The following TRIP10 variants were observed in gnomAD, a reference collection of about 807,000 sequenced individuals.
TRIP10 encodes the protein thyroid hormone receptor interactor 10.
A neutral mutation model predicts 80.9 loss-of-function variants in TRIP10; 54 were observed. The ratio of observed to expected loss-of-function variants is 0.67; its 90% confidence interval spans 0.54 to 0.84. TRIP10 has a LOEUF of 0.84. Ranked by LOEUF, TRIP10 falls within the 40% of genes least tolerant of loss-of-function variation. The pLI is 0.00. For synonymous variants in TRIP10, 321 were observed against 307.2 expected, an observed-to-expected ratio of 1.04 and a Z score of -0.47; for missense variants, 773 against 815.3, an observed-to-expected ratio of 0.95 and a Z score of 0.63.
chr19:6,743,884 G>C, intron 7 of TRIP10, 48 bp downstream of exon 7: 1 of 1,606,536 alleles, frequency 6.2e-7, no homozygotes, highest in Non-Finnish European at 8.5e-7. Flanking sequence ...GCCTCCAAAT[G>C]TTAGCCAACT....
At chr19:6,739,869 G>A in intron 1 of TRIP10, 84 bp downstream of exon 1, 1 of 1,333,342 alleles carries the variant, frequency 7.5e-7, no homozygotes, top group Non-Finnish European at 9.7e-7. Context: ...CTTAGAGGGG[G>A]CTCCGCGCCT....
chr19:6,740,435 C>T (rs1404966276), intron 1 of TRIP10, among the ~76,000 whole-genome samples: 1 of 152,212 alleles, frequency 6.6e-6, no homozygotes, highest in Non-Finnish European at 1.5e-5. Flanking sequence ...TTGCTGGGGG[C>T]GGTGGAATCC....
intron 3 of TRIP10, among the ~76,000 whole-genome samples, chr19:6,742,575 C>T (rs758609034): frequency 5.9e-5 from 9 of 151,674 alleles, no homozygotes; most frequent in African/African-American, 1.2e-4. Flanking sequence ...GAGGGTGAGG[C>T]GGGAAGATGC....
intron 1 of TRIP10, among the ~76,000 whole-genome samples, chr19:6,740,356 G>C (rs977981754): frequency 6.6e-6 from 1 of 152,164 alleles, no homozygotes; most frequent in East Asian, 1.9e-4. Context: ...CCCCCTGGTC[G>C]CCTATAACCT....
Position 6,746,035 on chromosome 19 carries a change from C to A in TRIP10, c.991C>A (p.Pro331Thr), listed in dbSNP as rs1048538544. The part of the protein sequence containing the change: ...WPFGKKNKPR[P>T]PPLSPLGGPV... ...CCCCGGCCCCCGCCGGTAGCCTCGC[C>A]CCCCACCCCTCTCCCCCCTGGGGGG... The change falls in exon 10 of 15, where the codon CCC becomes ACC. Residue 331 changes from proline to threonine, a missense_variant. Coordinates refer to ENST00000313244, the MANE Select transcript of TRIP10 (RefSeq NM_001288962.2). This position sits in a 1 kb window ranked among gnomAD's most constrained non-coding sequence, Gnocchi z 6.2. 2.6e-6 allele frequency: 3 copies of A among 1,136,534 alleles called. No homozygotes were observed. In the African/African-American group the frequency reaches 4.9e-5, roughly 19 times the overall value. 70.4% of individuals were successfully genotyped at this position (1,136,534 alleles called of 1,614,324 possible). A position where few individuals can be genotyped will look rare whatever the true frequency, so the allele number is the denominator to read the frequency against.
rs759063843 is a variant in TRIP10, at chr19:6,739,792, C to A, written c.24+7C>A. The A allele has an allele frequency of 6.8e-7, 1 of 1,463,726 alleles. No individual in the cohort carries two copies. The highest frequency in any genetic ancestry group is 1.4e-5 in the South Asian group (1 of 69,260). 90.7% of individuals were successfully genotyped at this position (1,463,726 alleles called of 1,614,324 possible). A position where few individuals can be genotyped will look rare whatever the true frequency, so the allele number is the denominator to read the frequency against. ...TTGGGGCACTGAGCTGTGGGTAAGT[C>A]CAATCGGCCCGCCTCTAAGTTCCCC... On this transcript the variant is annotated splice_region_variant and intron_variant, in intron 1 of 14. Transcript: ENST00000313244.
Position 6,745,923 on chromosome 19 carries a change from C to T in TRIP10, c.985-106C>T, listed in dbSNP as rs73500342. The T allele has an allele frequency of 2.3e-4, 279 of 1,239,530 alleles. 1 individual carries two copies. The African/African-American group carries it at 3.6e-3, about 16-fold the overall frequency. 76.8% of individuals were successfully genotyped at this position (1,239,530 alleles called of 1,614,324 possible). ...CCTTTTTCCTTTTTTTGCGTCCATCCGTCCATCCGTGCGTCCATCCCTCCG... is the reference window on the plus strand; with the variant it reads ...CCTTTTTCCTTTTTTTGCGTCCATCTGTCCATCCGTGCGTCCATCCCTCCG... On this transcript the variant is annotated intron_variant, in intron 9 of 14. Transcript: ENST00000313244. The surrounding 1 kb of genome is among the most constrained non-coding windows in gnomAD (Gnocchi z 7.2).
chr19:6,744,497 T>C lies in TRIP10; in HGVS notation c.643-57T>C. On this transcript the variant is annotated intron_variant, in intron 7 of 14. Coordinates refer to ENST00000313244, the MANE Select transcript of TRIP10 (RefSeq NM_001288962.2). The surrounding 1 kb of genome is among the most constrained non-coding windows in gnomAD (Gnocchi z 4.9). ...CGATCATATTTGCAGAGTGAATCACTGTGCTTCTAGTCCCTCTGTTAGCAC... is the reference window on the plus strand; with the variant it reads ...CGATCATATTTGCAGAGTGAATCACCGTGCTTCTAGTCCCTCTGTTAGCAC... The C allele has an allele frequency of 1.2e-6, 2 of 1,607,134 alleles. No homozygotes were observed. The highest frequency in any genetic ancestry group is 1.7e-6 in the Non-Finnish European group (2 of 1,177,456).
chr19:6,748,205 T>G (rs1969191475), intron 11 of TRIP10: 1 of 152,124 alleles, frequency 6.6e-6, no homozygotes, highest in Admixed American at 6.6e-5. Flanking sequence ...GGCAACAAAA[T>G]CCTCTTCCCA....
intron 11 of TRIP10, among the ~76,000 whole-genome samples, chr19:6,749,721 C>T (rs962151560): frequency 3.3e-5 from 5 of 152,022 alleles, no homozygotes; most frequent in African/African-American, 1.2e-4. Context: ...TGTGGTGATG[C>T]GGGTCTATAG....
At chr19:6,741,871 G>C (rs532342387) in intron 3 of TRIP10, among the ~76,000 whole-genome samples, 2 of 152,124 alleles carry the variant, frequency 1.3e-5, no homozygotes, top group Non-Finnish European at 2.9e-5. Context: ...AGGCTGGAGT[G>C]CAGTGGCGCC....
At position 6,750,575 on chromosome 19, in the gene TRIP10, T is replaced by G. The variant is rs768891863; in HGVS notation, c.1599T>G (p.Asp533Glu). The part of the protein sequence containing the change: ...DTPIYTEFDE[D>E]FEEEPTSPIG... ...CCATTTACACGGAGTTTGATGAGGA[T>G]TTCGAGGAGGAACCCACATCCCCCA... is the stretch of plus-strand genomic sequence containing the variant. The change falls in exon 14 of 15, where the codon GAT becomes GAG. Residue 533 changes from aspartate (D) to glutamate (E), a missense_variant. By Grantham distance (45) the Asp-to-Glu change is conservative. Transcript: ENST00000313244. 1 of 1,614,146 alleles carries G rather than the reference T, an allele frequency of 6.2e-7. No homozygotes were observed. The highest frequency in any genetic ancestry group is 1.1e-5 in the South Asian group (1 of 91,090).
In TRIP10 at chr19:6,741,003, A is replaced by G. The variant is rs771630054; in HGVS notation, c.25-7A>G. ...CTCCCCTCCTCCCCCACCATGTCCC[A>G]TGTCAGGATCAGTTCGAGGTGCTCG... On this transcript the variant is annotated splice_polypyrimidine_tract_variant and splice_region_variant and intron_variant, in intron 1 of 14. Coordinates refer to ENST00000313244, the MANE Select transcript of TRIP10 (RefSeq NM_001288962.2). 3.7e-6 allele frequency: 6 copies of G among 1,610,928 alleles called. No individual in the cohort carries two copies. The South Asian group carries it at 6.6e-5, about 18-fold the overall frequency.
chr19:6,745,181 C>A lies in TRIP10; in HGVS notation c.984+187C>A. 1 of 785,964 alleles carries A rather than the reference C, an allele frequency of 1.3e-6. No individual in the cohort carries two copies. The highest frequency in any genetic ancestry group is 1.9e-6 in the Non-Finnish European group (1 of 521,730). The allele number at this position is 785,964 out of a possible 1,614,324, so 48.7% of individuals were successfully genotyped here. ...GCCTGGGAGTCCCCCGAGGCGAAGG[C>A]GGGGGCAGGGTGGGGAGGTGGGGAG... is the stretch of plus-strand genomic sequence containing the variant. On this transcript the variant is annotated intron_variant, in intron 9 of 14. Transcript: ENST00000313244. The surrounding 1 kb of genome is among the most constrained non-coding windows in gnomAD (Gnocchi z 7.2).
chr19:6,749,072 C>T (rs1448219607), intron 11 of TRIP10, among the ~76,000 whole-genome samples: 1 of 152,030 alleles, frequency 6.6e-6, no homozygotes, highest in South Asian at 2.1e-4. Flanking sequence ...TTTATTTTTT[C>T]CCCTGCCCCC....
chr19:6,743,780 C>G lies in TRIP10; in HGVS notation c.586C>G (p.Arg196Gly), dbSNP rs781724215. The part of the protein sequence containing the change: ...SKNEYAAQLQ[R>G]FNRDQAHFYF... ...AAACGAATATGCGGCTCAACTGCAG[C>G]GCTTCAACCGAGACCAAGCCCACTT... The change falls in exon 7 of 15, where the codon CGC becomes GGC. Residue 196 changes from arginine (R) to glycine (G), a missense_variant. Arg to Gly is a moderately radical substitution (Grantham distance 125, BLOSUM62 -2). Transcript: ENST00000313244. 1.2e-6 allele frequency: 2 copies of G among 1,614,076 alleles called. No individual in the cohort carries two copies. The highest frequency in any genetic ancestry group is 1.7e-6 in the Non-Finnish European group (2 of 1,179,992).
Position 6,743,554 on chromosome 19 carries a change from C to CGGCTAG in TRIP10, c.470_475dup (p.Leu158_Asp159insGlyLeu). ...AGAGAAGGCAGCCCAGACTGCTGAACGGCTAGACCAGGATATCAACGCCAC... is the reference window on the plus strand; with the variant it reads ...AGAGAAGGCAGCCCAGACTGCTGAACGGCTAGGGCTAGACCAGGATATCAACGCCAC... On this transcript the variant is annotated inframe_insertion, in exon 6 of 15. Coordinates refer to ENST00000313244, the MANE Select transcript of TRIP10 (RefSeq NM_001288962.2). 1.3e-6 allele frequency: 2 copies of CGGCTAG among 1,580,516 alleles called. No homozygotes were observed. Among genetic ancestry groups the CGGCTAG allele is most frequent in the Non-Finnish European group, 1.7e-6 (2 of 1,164,954 alleles).
rs1049230 is a variant in TRIP10, at chr19:6,751,270, C to T, written c.*59C>T. The T allele has an allele frequency of 0.19, 302,960 of 1,611,074 alleles. 29,470 individuals carry two copies. Among genetic ancestry groups the T allele is most frequent in the African/African-American group, 0.29 (21,384 of 74,780 alleles). ...GCTGCTGCTTCTGGGCCACGGGGAG[C>T]CCCAGGACCTATGCACTTTATTTCT... is the stretch of plus-strand genomic sequence containing the variant. On this transcript the variant is annotated 3_prime_UTR_variant, in exon 15 of 15. Transcript: ENST00000313244.
Position 6,746,187 on chromosome 19 carries a change from C to T in TRIP10, c.1143C>T (p.Gly381=), listed in dbSNP as rs976486042. 45 of 1,536,926 alleles carry T rather than the reference C, an allele frequency of 2.9e-5. No homozygotes were observed. The highest frequency in any genetic ancestry group is 3.6e-5 in the Non-Finnish European group (41 of 1,139,220). Residue 381 remains glycine (G), a synonymous_variant, in exon 10 of 15, where the codon GGC becomes GGT. Coordinates refer to ENST00000313244, the MANE Select transcript of TRIP10 (RefSeq NM_001288962.2). The surrounding 1 kb of genome is among the most constrained non-coding windows in gnomAD (Gnocchi z 6.2). ...PRLASFRSLR[G]SRGTVVTEDF... ...TAGCATCCTTCCGCAGCCTTCGAGG[C>T]AGCCGTGGGGTAAGTGAGGCCTCGG...
Sources: gnomAD v4.1 joint callset for allele counts (sites outside exome capture counted in the v4.1 genomes callset) on GRCh38, gnomAD v4.1.1 for gene constraint, Gnocchi (gnomAD v3.1) non-coding constraint, MANE v1.5 for transcripts, NCBI Gene and HGNC (gene_info 2026-07-23, HGNC 2026-07-21) for gene names.